ADAMTS9: variants seen among roughly 807,000 people sequenced by gnomAD.
ADAMTS9 encodes the protein ADAM metallopeptidase with thrombospondin type 1 motif 9, also known as A disintegrin and metalloproteinase with thrombospondin motifs 9.
ADAMTS9 carries 107 observed loss-of-function variants against 257.1 expected under a neutral mutation model. The observed-to-expected ratio is 0.42, with a 90% confidence interval of 0.36 to 0.49. The LOEUF is 0.49. ADAMTS9 is among the 20% of genes least tolerant of loss of function. The pLI is 0.03. For synonymous variants in ADAMTS9, 982 were observed against 880.9 expected (o/e 1.11, Z -2.03); for missense variants, 2,353 against 2,469.1 (o/e 0.95, Z 1.00).
chr3:64,615,346 T>C lies in ADAMTS9; in HGVS notation c.3164A>G (p.Gln1055Arg), dbSNP rs761407608. 3.1e-6 allele frequency: 5 copies of C among 1,613,970 alleles called. No individual in the cohort carries two copies. The South Asian group carries it at 5.5e-5, about 18-fold the overall frequency. ...CTCTGACCAGTCTCCAGATTTCCAC[T>C]GTGGACAAGGGAACTCACTGCACCT... ...IQRCSEFPCP[Q>R]WKSGDWSECL... Residue 1055 changes from glutamine to arginine, a missense_variant, in exon 21 of 40, where the codon CAG becomes CGG. Coordinates refer to ENST00000498707, the MANE Select transcript of ADAMTS9 (RefSeq NM_182920.2).
chr3:64,676,976 A>G (rs2107034319), intron 3 of ADAMTS9, among the ~76,000 whole-genome samples: 1 of 152,326 alleles, frequency 6.6e-6, no homozygotes, highest in East Asian at 1.9e-4. Context: ...AAGCACTGAT[A>G]AGAACCACTA....
At chr3:64,533,691 G>C (rs1187478754) in intron 37 of ADAMTS9, among the ~76,000 whole-genome samples, 2 of 152,190 alleles carry the variant, frequency 1.3e-5, no homozygotes, top group Non-Finnish European at 2.9e-5. Context: ...ACAAGATCTT[G>C]GTGCCAAGCT....
At chr3:64,630,483 G>A (rs1413259790) in intron 16 of ADAMTS9, among the ~76,000 whole-genome samples, 12 of 152,186 alleles carry the variant, frequency 7.9e-5, no homozygotes, top group African/African-American at 2.9e-4. Context: ...AGGCTGAGGT[G>A]GGAGGATCAC....
At position 64,516,956 on chromosome 3, in the gene ADAMTS9, T is replaced by G. The variant is rs1190978470; in HGVS notation, c.*171A>C. The G allele has an allele frequency of 5.9e-5, 9 of 152,510 alleles. No individual in the cohort carries two copies. Among genetic ancestry groups the G allele is most frequent in the Non-Finnish European group, 1.2e-4 (8 of 68,034 alleles). The allele number at this position is 152,510 out of a possible 1,614,324, so 9.4% of individuals were successfully genotyped here. A position where few individuals can be genotyped will look rare whatever the true frequency, so the allele number is the denominator to read the frequency against. On this transcript the variant is annotated 3_prime_UTR_variant, in exon 40 of 40. Coordinates refer to ENST00000498707, the MANE Select transcript of ADAMTS9 (RefSeq NM_182920.2). ...ATCTACATACACACATATATGTGTA[T>G]ATATGTATGTGTAGATATGTATATA...
At position 64,546,760 on chromosome 3, in the gene ADAMTS9, T is replaced by TCCC; in HGVS notation, c.5059_5061dup (p.Gly1687dup). 6.3e-7 allele frequency: 1 copy of TCCC among 1,597,974 alleles called. No individual in the cohort carries two copies. The highest frequency in any genetic ancestry group is 8.5e-7 in the Non-Finnish European group (1 of 1,173,082). On this transcript the variant is annotated inframe_insertion, in exon 32 of 40. Transcript: ENST00000498707. ...TGAGTGCTCAGTCTTCTACTTACGC[T>TCCC]CCCCCAGTTGCCAACTCTCCAGGTG...
chr3:64,609,322 C>T (rs963267488), intron 22 of ADAMTS9, among the ~76,000 whole-genome samples: 2 of 151,792 alleles, frequency 1.3e-5, no homozygotes, highest in Admixed American at 6.6e-5. Context: ...GCAAAGAAAG[C>T]GGGAAGGAAG....
chr3:64,596,696 G>T, intron 27 of ADAMTS9, 134 bp downstream of exon 27: 1 of 1,056,760 alleles, frequency 9.5e-7, no homozygotes, highest in Non-Finnish European at 1.4e-6. Flanking sequence ...TAAGAAGACA[G>T]GTTTCCTAGT....
Position 64,687,604 on chromosome 3 carries a change from G to C in ADAMTS9, c.54C>G (p.Ala18=), listed in dbSNP as rs768396599. Residue 18 remains alanine (A), a synonymous_variant, in exon 1 of 40, where the codon GCC becomes GCG. Coordinates refer to ENST00000498707, the MANE Select transcript of ADAMTS9 (RefSeq NM_182920.2). The surrounding 1 kb of genome is among the most constrained non-coding windows in gnomAD (Gnocchi z 4.4). ...CCGCGGCGTCTGGGCTCCCCATCTCGGCCAGGTCCCGCACCAGGAGCGTTA... is the reference window on the plus strand; with the variant it reads ...CCGCGGCGTCTGGGCTCCCCATCTCCGCCAGGTCCCGCACCAGGAGCGTTA... ...TLLTLLVRDL[A]EMGSPDAAAA... 3 of 1,585,692 alleles carry C rather than the reference G, an allele frequency of 1.9e-6. No individual in the cohort carries two copies. Among genetic ancestry groups the C allele is most frequent in the Non-Finnish European group, 2.6e-6 (3 of 1,167,538 alleles).
At chr3:64,650,551 G>A (rs1307583387) in intron 9 of ADAMTS9, 1 of 155,114 alleles carries the variant, frequency 6.4e-6, no homozygotes, top group African/African-American at 2.4e-5. Context: ...GAGTGACGCA[G>A]AGAGAGAATG....
At chr3:64,551,452 G>A (rs1017652462) in intron 30 of ADAMTS9, among the ~76,000 whole-genome samples, 1 of 152,046 alleles carries the variant, frequency 6.6e-6, no homozygotes, top group Non-Finnish European at 1.5e-5. Context: ...CTCGTGATCT[G>A]CCCACCTCGG....
chr3:64,615,597 C>T (rs1270871465), intron 20 of ADAMTS9, 112 bp from the exon 21 acceptor site: 1 of 1,120,894 alleles, frequency 8.9e-7, no homozygotes, highest in Non-Finnish European at 1.2e-6. Flanking sequence ...CACAAGCTGG[C>T]CAACTCTAGT....
intron 28 of ADAMTS9, among the ~76,000 whole-genome samples, chr3:64,593,946 ATGTGTGTGTGTATGATGTGTG>A (rs976523392): frequency 9.3e-6 from 1 of 107,378 alleles, no homozygotes; most frequent in African/African-American, 6.2e-5. Flanking sequence ...ATCACTATGT[ATGTGTGTGTGTATGATGTGTG>A]TGTGTGTGTG....
chr3:64,550,732 G>T, intron 31 of ADAMTS9, 160 bp downstream of exon 31: 3 of 806,216 alleles, frequency 3.7e-6, no homozygotes, highest in East Asian at 2.7e-5. Flanking sequence ...ATTCTAGCTT[G>T]GGAAAGCTGA....
At chr3:64,571,688 A>G (rs2083688200) in intron 28 of ADAMTS9, among the ~76,000 whole-genome samples, 1 of 152,226 alleles carries the variant, frequency 6.6e-6, no homozygotes, top group South Asian at 2.1e-4. Context: ...CAATTAGGAA[A>G]TTCTCAAGGT....
intron 30 of ADAMTS9, among the ~76,000 whole-genome samples, chr3:64,555,684 G>T (rs1484413761): frequency 6.6e-6 from 1 of 152,180 alleles, no homozygotes; most frequent in Admixed American, 6.5e-5. Flanking sequence ...ATGCTGCAAA[G>T]GTGGGCCCAG....
intron 30 of ADAMTS9, among the ~76,000 whole-genome samples, chr3:64,552,212 T>C (rs1226753741): frequency 6.6e-6 from 1 of 152,260 alleles, no homozygotes; most frequent in Non-Finnish European, 1.5e-5. Context: ...GGGACAGCTA[T>C]GTTTATTCCC....
chr3:64,553,097 A>G (rs1178819792), intron 30 of ADAMTS9, among the ~76,000 whole-genome samples: 2 of 152,100 alleles, frequency 1.3e-5, no homozygotes, highest in Non-Finnish European at 2.9e-5. Flanking sequence ...CAAGTATAGA[A>G]TTCAGTGGCC....
intron 32 of ADAMTS9, 113 bp downstream of exon 32, chr3:64,546,645 C>A: frequency 8.5e-7 from 1 of 1,180,076 alleles, no homozygotes; most frequent in Middle Eastern, 3.0e-4. Flanking sequence ...TTGCTAACTC[C>A]AGGGTTTCTC....
intron 3 of ADAMTS9, among the ~76,000 whole-genome samples, chr3:64,669,978 ACCGCTGG>A (rs1701446406): frequency 6.6e-6 from 1 of 152,246 alleles, no homozygotes; most frequent in African/African-American, 2.4e-5. Context: ...AATCAAAGAT[ACCGCTGG>A]AAAAGCATTT....
Sources: allele counts gnomAD v4.1 joint callset (sites outside exome capture counted in the v4.1 genomes callset), GRCh38; gene constraint gnomAD v4.1.1; non-coding constraint Gnocchi (gnomAD v3.1); transcripts MANE v1.5; gene names NCBI Gene and HGNC (gene_info 2026-07-23, HGNC 2026-07-21).